The following NFIB variants were observed in gnomAD, a reference collection of about 807,000 sequenced individuals.
The protein encoded by NFIB is nuclear factor 1 B-type.
A neutral mutation model predicts 61.5 loss-of-function variants in NFIB; 11 were observed. The ratio of observed to expected loss-of-function variants is 0.18; its 90% confidence interval spans 0.11 to 0.30. The LOEUF (loss-of-function observed/expected upper bound fraction) is 0.30, where lower values mean the gene tolerates loss of function less well. Ranked by LOEUF, NFIB falls within the 10% of genes least tolerant of loss-of-function variation. The probability of loss-of-function intolerance (pLI) is 1.00; values close to 1 mark genes in which losing one functional copy is unlikely to be tolerated. For missense variants in NFIB, 471 were observed against 608.9 expected (o/e 0.77, Z 2.38); for synonymous variants, 260 against 216.5 (o/e 1.20, Z -1.76).
chr9:14,337,896 C>T (rs113189620), intron 1 of NFIB, among the ~76,000 whole-genome samples: 2,563 of 152,284 alleles, frequency 0.017, 79 homozygotes, highest in African/African-American at 0.058. Context: ...AACCTTTCTG[C>T]TTATGAATTC....
chr9:14,473,890 C>G, the NFIB span, among the ~76,000 whole-genome samples: 2 of 152,086 alleles, frequency 1.3e-5, no homozygotes, highest in East Asian at 1.9e-4. Context: ...TTTTCAGAAC[C>G]ATGACCGTTT....
chr9:14,181,822 A>G (rs2046812878), intron 2 of NFIB, among the ~76,000 whole-genome samples: 1 of 152,194 alleles, frequency 6.6e-6, no homozygotes, highest in South Asian at 2.1e-4. Flanking sequence ...GCACCCCTCA[A>G]GGTGGCTAAT....
chr9:14,470,786 G>A, the NFIB span, among the ~76,000 whole-genome samples: 6 of 152,204 alleles, frequency 3.9e-5, no homozygotes, highest in Non-Finnish European at 7.3e-5. Context: ...TGGACAAAGA[G>A]CCAGGGGAAC....
At chr9:14,246,999 A>ATCTC (rs34679914) in intron 2 of NFIB, among the ~76,000 whole-genome samples, 1 of 150,760 alleles carries the variant, frequency 6.6e-6, no homozygotes, top group African/African-American at 2.4e-5. Flanking sequence ...CTTTCACTAT[A>ATCTC]TCTCTCTCTC....
intron 10 of NFIB, among the ~76,000 whole-genome samples, chr9:14,097,573 C>A (rs1320869439): frequency 6.6e-6 from 1 of 152,134 alleles, no homozygotes; most frequent in Non-Finnish European, 1.5e-5. Context: ...TAAGGACATA[C>A]TGCCCTTATC....
intron 6 of NFIB, among the ~76,000 whole-genome samples, chr9:14,127,967 A>C (rs1357847672): frequency 6.6e-6 from 1 of 151,710 alleles, no homozygotes; most frequent in Middle Eastern, 3.4e-3. Context: ...TAAATTGTTC[A>C]TAAAACCACA....
intron 1 of NFIB, chr9:14,357,326 A>T (rs138214886): frequency 5.5e-4 from 84 of 151,988 alleles, no homozygotes; most frequent in African/African-American, 2.0e-3. Context: ...TACTCTGTAT[A>T]CTTTATATGT....
intron 2 of NFIB, chr9:14,300,113 T>TAA (rs2059669993): frequency 7.5e-6 from 3 of 398,096 alleles, no homozygotes; most frequent in African/African-American, 6.2e-5. Context: ...ACAACTAAAT[T>TAA]CAGTTAAATT....
the NFIB span, among the ~76,000 whole-genome samples, chr9:14,449,863 G>A: frequency 6.6e-6 from 1 of 152,042 alleles, no homozygotes; most frequent in African/African-American, 2.4e-5. Flanking sequence ...CAACCCAGGA[G>A]GTGGAGGTTG....
chr9:14,511,885 A>T, the NFIB span, among the ~76,000 whole-genome samples: 1 of 152,202 alleles, frequency 6.6e-6, no homozygotes, highest in African/African-American at 2.4e-5. Flanking sequence ...AAAGTTCAGA[A>T]TCATTTCATC....
At chr9:14,132,698 G>C (rs1265443321) in intron 6 of NFIB, among the ~76,000 whole-genome samples, 1 of 151,982 alleles carries the variant, frequency 6.6e-6, no homozygotes, top group Non-Finnish European at 1.5e-5. Context: ...CTCCCAAGTA[G>C]CTAGGACTAT....
chr9:14,382,956 G>C (rs10961496), intron 1 of NFIB, among the ~76,000 whole-genome samples: 22,496 of 152,016 alleles, frequency 0.15, 1,878 homozygotes, highest in East Asian at 0.23. Context: ...CTGGGTATCT[G>C]GAAGCCTCCC....
At chr9:14,107,951 T>G (rs1274412002) in intron 10 of NFIB, among the ~76,000 whole-genome samples, 1 of 152,142 alleles carries the variant, frequency 6.6e-6, no homozygotes, top group African/African-American at 2.4e-5. Context: ...GAACAGCTTA[T>G]CTGGATATTA....
intron 2 of NFIB, among the ~76,000 whole-genome samples, chr9:14,228,264 G>C (rs993175401): frequency 6.7e-6 from 1 of 149,074 alleles, no homozygotes; most frequent in Non-Finnish European, 1.5e-5. Context: ...GCGCAATCTC[G>C]GCTCACTGCA....
At chr9:14,279,819 CT>C (rs1277298247) in intron 2 of NFIB, among the ~76,000 whole-genome samples, 1 of 152,126 alleles carries the variant, frequency 6.6e-6, no homozygotes, top group Non-Finnish European at 1.5e-5. Context: ...AACAATGGTC[CT>C]GTAATAATGA....
At chr9:14,438,448 G>A in the NFIB span, among the ~76,000 whole-genome samples, 2 of 152,174 alleles carry the variant, frequency 1.3e-5, no homozygotes, top group African/African-American at 2.4e-5. Flanking sequence ...ACCACAAAAT[G>A]TTTTAACAGT....
chr9:14,235,137 A>G (rs1186740535), intron 2 of NFIB, among the ~76,000 whole-genome samples: 1 of 152,210 alleles, frequency 6.6e-6, no homozygotes. Context: ...ATACGATTGA[A>G]AACAAAATAA....
intron 2 of NFIB, among the ~76,000 whole-genome samples, chr9:14,201,881 A>G (rs1480877927): frequency 4.7e-5 from 7 of 149,018 alleles, no homozygotes; most frequent in South Asian, 4.6e-4. Context: ...TATACAGATG[A>G]TATTTATCCA....
the NFIB span, among the ~76,000 whole-genome samples, chr9:14,482,141 A>G: frequency 7.4e-6 from 1 of 135,966 alleles, no homozygotes; most frequent in East Asian, 2.2e-4. Flanking sequence ...CTTTCTCCCA[A>G]AAACAAGGTT....
Sources: gnomAD v4.1 joint callset for allele counts (sites outside exome capture counted in the v4.1 genomes callset) on GRCh38, gnomAD v4.1.1 for gene constraint, MANE v1.5 for transcripts, NCBI Gene and HGNC (gene_info 2026-07-23, HGNC 2026-07-21) for gene names.